Variants in ATP5F1A observed in about 807,000 individuals in gnomAD.
ATP5F1A encodes the protein ATP synthase F(1) complex subunit alpha, mitochondrial.
ATP5F1A carries 24 observed loss-of-function variants against 57.4 expected under a neutral mutation model. That is an observed-to-expected ratio of 0.42 (90% CI 0.30 to 0.59). The LOEUF is 0.59. Among genes scored for constraint, ATP5F1A ranks in the 20% least tolerant of loss-of-function variants. The probability of loss-of-function intolerance (pLI) is 0.19; values close to 1 mark genes in which losing one functional copy is unlikely to be tolerated. For synonymous variants in ATP5F1A, 251 were observed against 255.5 expected, an observed-to-expected ratio of 0.98 and a Z score of 0.17; for missense variants, 494 against 707.9, an observed-to-expected ratio of 0.70 and a Z score of 3.43.
At chr18:46,098,422 T>C, upstream of ATP5F1A, 1 of 1,362,330 alleles carries the variant, frequency 7.3e-7, no homozygotes, top group Non-Finnish European at 9.5e-7. Context: ...CTTATTTTTT[T>C]ATGTAACATT....
At chr18:46,098,890 A>C (rs1911174477), upstream of ATP5F1A, among the ~76,000 whole-genome samples, 1 of 152,182 alleles carries the variant, frequency 6.6e-6, no homozygotes, top group African/African-American at 2.4e-5. Context: ...GCTTTTTTAG[A>C]TTCATTCTAA....
chr18:46,089,414 TG>T, intron 5 of ATP5F1A, 151 bp downstream of exon 5: 1 of 883,178 alleles, frequency 1.1e-6, no homozygotes, highest in East Asian at 2.7e-5. Context: ...GTGGAGGGGC[TG>T]GCCCCCTTCA....
At chr18:46,094,785 T>C (rs1350892302) in intron 2 of ATP5F1A, 4 of 315,394 alleles carry the variant, frequency 1.3e-5, no homozygotes, top group East Asian at 5.6e-5. Context: ...ACCTAGTGTA[T>C]GTTCTTTCTG....
rs747022561 is a variant in ATP5F1A at position 46,089,915 on chromosome 18, C to T, written c.391G>A (p.Val131Met). 5.6e-6 allele frequency: 9 copies of T among 1,613,858 alleles called. No individual in the cohort carries two copies. The South Asian group carries it at 8.8e-5, about 16-fold the overall frequency. ...TCCACAATGGCTCCTGTCCTCTTCA[C>T]TATATCTCCTTCCTTAATTAGTTTA... ...NDKLIKEGDIVKRTGAIVDVP... is the reference protein window; with the variant it reads ...NDKLIKEGDIMKRTGAIVDVP... Residue 131 changes from valine (V) to methionine (M), a missense_variant, in exon 4 of 12, where the codon GTG (valine) becomes ATG (methionine). Physicochemically the swap from Val to Met is conservative, Grantham distance 21 (BLOSUM62 1). Coordinates refer to ENST00000398752, the MANE Select transcript of ATP5F1A (RefSeq NM_004046.6).
At position 46,084,368 on chromosome 18, in the gene ATP5F1A, T is replaced by C; in HGVS notation, c.1581-5A>G. Reference sequence around the variant, plus strand: ...TCTGAGATCTTTCCATCAGCCCTATTTGGAAATAAAAGCAGGTCGTAAGTT... The same window carrying C: ...TCTGAGATCTTTCCATCAGCCCTATCTGGAAATAAAAGCAGGTCGTAAGTT... On this transcript the variant is annotated splice_polypyrimidine_tract_variant and splice_region_variant and intron_variant, in intron 11 of 11. Transcript: ENST00000398752. The C allele has an allele frequency of 6.2e-7, 1 of 1,611,132 alleles. No individual in the cohort carries two copies.
chr18:46,084,521 G>C lies in ATP5F1A; in HGVS notation c.1563C>G (p.Ala521=). The change falls in exon 11 of 12, where the codon GCC becomes GCG. Residue 521 remains alanine, a synonymous_variant. Coordinates refer to ENST00000398752, the MANE Select transcript of ATP5F1A (RefSeq NM_004046.6). ...FLSHVVSQHQ[A]LLGTIRADGK... ...ATTCATACCTGATAGTGCCCAACAAGGCTTGGTGCTGGCTGACGACATGAG... is the reference window on the plus strand; with the variant it reads ...ATTCATACCTGATAGTGCCCAACAACGCTTGGTGCTGGCTGACGACATGAG... 1 of 1,601,454 alleles carries C rather than the reference G, an allele frequency of 6.2e-7. No homozygotes were observed. The highest frequency in any genetic ancestry group is 8.5e-7 in the Non-Finnish European group (1 of 1,176,640).
intron 3 of ATP5F1A, among the ~76,000 whole-genome samples, chr18:46,090,887 A>G (rs1253791891): frequency 6.6e-6 from 1 of 152,234 alleles, no homozygotes; most frequent in Non-Finnish European, 1.5e-5. Context: ...ACTACTGGAC[A>G]GTACTGTTCT....
intron 1 of ATP5F1A, chr18:46,097,806 A>C: frequency 2.8e-6 from 3 of 1,072,040 alleles, no homozygotes; most frequent in Non-Finnish European, 3.4e-6. Flanking sequence ...GCGGGACGCG[A>C]CCCTAAGAAT....
intron 1 of ATP5F1A, among the ~76,000 whole-genome samples, chr18:46,103,524 C>G (rs2144235946): frequency 6.8e-6 from 1 of 148,148 alleles, no homozygotes; most frequent in African/African-American, 2.5e-5. Flanking sequence ...TCGCTTGAAC[C>G]CGGGAAGCAG....
In ATP5F1A at chr18:46,084,251, G is replaced by C. The variant is rs368877282; in HGVS notation, c.*31C>G. ...AATTTACTAGAACAATGACAAAACT[G>C]AACTGGTATTTGATGTGAATCCACA... is the stretch of plus-strand genomic sequence containing the variant. On this transcript the variant is annotated 3_prime_UTR_variant, in exon 12 of 12. Coordinates refer to ENST00000398752, the MANE Select transcript of ATP5F1A (RefSeq NM_004046.6). The C allele has an allele frequency of 6.3e-7, 1 of 1,579,840 alleles. No individual in the cohort carries two copies. Among genetic ancestry groups the C allele is most frequent in the Non-Finnish European group, 8.7e-7 (1 of 1,155,796 alleles).
intron 2 of ATP5F1A, chr18:46,092,072 G>A (rs781328406): frequency 1.3e-4 from 35 of 266,908 alleles, no homozygotes; most frequent in Non-Finnish European, 2.4e-4. Context: ...TCGGGAGGCG[G>A]AGGCTGAGGC....
upstream of ATP5F1A, among the ~76,000 whole-genome samples, chr18:46,100,271 A>G (rs1911236125): frequency 7.0e-6 from 1 of 143,596 alleles, no homozygotes; most frequent in South Asian, 2.1e-4. Flanking sequence ...AAAAAAAAAA[A>G]AGAAAGAAAA....
Position 46,095,094 on chromosome 18 carries a change from G to T in ATP5F1A, c.98C>A (p.Ala33Glu). The change falls in exon 2 of 12, where the codon GCA (alanine) becomes GAA (glutamate). Residue 33 changes from alanine (A) to glutamate (E), a missense_variant. Around this residue, in one of 6 missense-constraint regions of ATP5F1A, gnomAD observed 142 missense variants for 137.5 expected, o/e 1.03. Transcript: ENST00000398752. The part of the protein sequence containing the change: ...RNALGSSFIA[A>E]RNFHASNTHL... The stretch of plus-strand genomic sequence containing the variant: ...AGTGTTAGAGGCATGGAAGTTCCTT[G>T]CAGCAATGAAAGATGAACCCAAAGC... 6.2e-7 allele frequency: 1 copy of T among 1,613,650 alleles called. No homozygotes were observed. The highest frequency in any genetic ancestry group is 8.5e-7 in the Non-Finnish European group (1 of 1,179,842).
upstream of ATP5F1A, among the ~76,000 whole-genome samples, chr18:46,098,805 G>A (rs936420933): frequency 6.6e-6 from 1 of 152,150 alleles, no homozygotes. Flanking sequence ...TCGAAAATTC[G>A]GGGCAATCTG....
intron 3 of ATP5F1A, 138 bp downstream of exon 3, chr18:46,091,544 C>T: frequency 3.2e-6 from 3 of 943,356 alleles, no homozygotes; most frequent in South Asian, 2.0e-5. Context: ...TCTTTACAAT[C>T]TATGATAATA....
At chr18:46,102,925 G>A (rs961032220), upstream of ATP5F1A, among the ~76,000 whole-genome samples, 3 of 152,088 alleles carry the variant, frequency 2.0e-5, no homozygotes, top group East Asian at 1.9e-4. Context: ...CAGCTTGGAC[G>A]AAAGAGCAAG....
intron 1 of ATP5F1A, among the ~76,000 whole-genome samples, chr18:46,103,654 G>A (rs1460647665): frequency 5.7e-5 from 8 of 140,746 alleles, no homozygotes; most frequent in Non-Finnish European, 1.2e-4. Flanking sequence ...GCTGGCTCAC[G>A]CCTGTAATCC....
At chr18:46,102,441 A>G (rs1176375299), upstream of ATP5F1A, among the ~76,000 whole-genome samples, 1 of 151,860 alleles carries the variant, frequency 6.6e-6, no homozygotes, top group Non-Finnish European at 1.5e-5. Flanking sequence ...CTCTTGCCTC[A>G]GCCTCCCAAG....
intron 2 of ATP5F1A, 124 bp downstream of exon 2, chr18:46,094,929 T>G: frequency 2.3e-6 from 3 of 1,309,136 alleles, no homozygotes; most frequent in Non-Finnish European, 3.0e-6. Context: ...TTTAAGAACC[T>G]GAGAGTCTAT....
Sources: gnomAD v4.1 joint callset for allele counts (sites outside exome capture counted in the v4.1 genomes callset) on GRCh38, gnomAD v4.1.1 for gene constraint, gnomAD v4.1.1 regional missense constraint, MANE v1.5 for transcripts, NCBI Gene and HGNC (gene_info 2026-07-23, HGNC 2026-07-21) for gene names.